Variants in CACNB4 observed in about 807,000 individuals in gnomAD.
CACNB4 encodes calcium voltage-gated channel auxiliary subunit beta 4.
In CACNB4, 32 loss-of-function variants were observed where a neutral mutation model predicts 71.2. That is an observed-to-expected ratio of 0.45 (90% CI 0.34 to 0.60). The LOEUF (loss-of-function observed/expected upper bound fraction) is 0.60, where lower values mean the gene tolerates loss of function less well. Ranked by LOEUF, CACNB4 falls within the 20% of genes least tolerant of loss-of-function variation. The pLI is 0.01. For synonymous variants in CACNB4, 231 were observed against 236.9 expected, an observed-to-expected ratio of 0.97 and a Z score of 0.23; for missense variants, 464 against 647.9, an observed-to-expected ratio of 0.72 and a Z score of 3.08.
At chr2:152,054,941 C>A (rs775683969) in intron 2 of CACNB4, among the ~76,000 whole-genome samples, 5 of 152,070 alleles carry the variant, frequency 3.3e-5, no homozygotes, top group Non-Finnish European at 7.4e-5. Context: ...TCTAAAAGTT[C>A]TTTATATATC....
chr2:152,034,961 G>T (rs1684478950), intron 2 of CACNB4, among the ~76,000 whole-genome samples: 1 of 152,180 alleles, frequency 6.6e-6, no homozygotes, highest in Non-Finnish European at 1.5e-5. Context: ...GAAGTCCGCG[G>T]CAAAAGTATT....
chr2:152,029,493 CA>C (rs4036226), intron 2 of CACNB4, among the ~76,000 whole-genome samples: 6,229 of 108,710 alleles, frequency 0.057, 692 homozygotes, highest in East Asian at 0.46. Context: ...GACTCGATCT[CA>C]AAAAAAAAAA....
intron 2 of CACNB4, among the ~76,000 whole-genome samples, chr2:152,063,808 G>A (rs1014775897): frequency 6.6e-6 from 1 of 152,150 alleles, no homozygotes; most frequent in African/African-American, 2.4e-5. Context: ...CATCAGCTCC[G>A]AATGTCTTCC....
chr2:151,987,495 A>C (rs1380838735), intron 2 of CACNB4, among the ~76,000 whole-genome samples: 1 of 152,198 alleles, frequency 6.6e-6, no homozygotes, highest in Non-Finnish European at 1.5e-5. Flanking sequence ...TGAGCATAAT[A>C]AATCGGGATG....
chr2:152,010,597 G>A (rs1406245638), intron 2 of CACNB4, among the ~76,000 whole-genome samples: 1 of 152,208 alleles, frequency 6.6e-6, no homozygotes, highest in African/African-American at 2.4e-5. Context: ...TTAAGTGGAG[G>A]AATTATTGTT....
At chr2:151,898,464 T>A (rs1429726922) in intron 2 of CACNB4, among the ~76,000 whole-genome samples, 1 of 152,146 alleles carries the variant, frequency 6.6e-6, no homozygotes. Context: ...CACAAACTTT[T>A]AGAATCCTAA....
At chr2:152,082,788 G>A (rs965620097) in intron 2 of CACNB4, among the ~76,000 whole-genome samples, 1 of 152,138 alleles carries the variant, frequency 6.6e-6, no homozygotes, top group Non-Finnish European at 1.5e-5. Flanking sequence ...AAAATAAATT[G>A]TTACAACAGA....
intron 2 of CACNB4, among the ~76,000 whole-genome samples, chr2:151,986,579 T>C (rs1270266822): frequency 6.6e-6 from 1 of 152,170 alleles, no homozygotes; most frequent in Non-Finnish European, 1.5e-5. Context: ...GGGTCACATT[T>C]AGCATACTCA....
At chr2:152,041,070 A>T (rs185267979) in intron 2 of CACNB4, among the ~76,000 whole-genome samples, 1 of 152,188 alleles carries the variant, frequency 6.6e-6, no homozygotes, top group African/African-American at 2.4e-5. Flanking sequence ...CCCACACTCC[A>T]TGGGAGAAAC....
intron 2 of CACNB4, among the ~76,000 whole-genome samples, chr2:152,002,549 G>A (rs569006159): frequency 3.5e-4 from 53 of 152,330 alleles, no homozygotes; most frequent in Admixed American, 3.5e-3. Context: ...GAATTCTTCT[G>A]AGATCAAATA....
intron 2 of CACNB4, among the ~76,000 whole-genome samples, chr2:151,934,450 C>T (rs772091988): frequency 2.6e-5 from 4 of 152,178 alleles, no homozygotes; most frequent in Admixed American, 6.6e-5. Flanking sequence ...AGCATTGTCT[C>T]GTTCATCTCA....
In CACNB4 at chr2:151,915,837, A is replaced by T. The variant is rs1457605552; in HGVS notation, c.148-32467T>A. Among the ~76,000 whole-genome samples, 5 of 125,026 alleles carry T rather than the reference A, an allele frequency of 4.0e-5. No homozygotes were observed. In the Admixed American group the frequency reaches 4.5e-4, roughly 11 times the overall value. The allele number at this position is 125,026 out of a possible 152,430, so 82.0% of individuals were successfully genotyped here. A position where few individuals can be genotyped will look rare whatever the true frequency, so the allele number is the denominator to read the frequency against. ...ACTCCAGCTTGGGCAACAAGAGCGAAGCTCCATCTCAAAAAAAAAAAAAAA... is the reference window on the plus strand; with the variant it reads ...ACTCCAGCTTGGGCAACAAGAGCGATGCTCCATCTCAAAAAAAAAAAAAAA... On this transcript the variant is annotated intron_variant, in intron 2 of 13. Coordinates refer to ENST00000539935, the MANE Select transcript of CACNB4 (RefSeq NM_000726.5).
intron 2 of CACNB4, among the ~76,000 whole-genome samples, chr2:152,008,407 C>T (rs899993454): frequency 2.0e-5 from 3 of 152,246 alleles, no homozygotes; most frequent in Middle Eastern, 3.4e-3. Flanking sequence ...TTGCCTCAGC[C>T]TCCCAAGTAG....
At position 151,971,907 on chromosome 2, in the gene CACNB4, G is replaced by A. The variant is rs890305212; in HGVS notation, c.148-88537C>T. On this transcript the variant is annotated intron_variant, in intron 2 of 13. Coordinates refer to ENST00000539935, the MANE Select transcript of CACNB4 (RefSeq NM_000726.5). The stretch of plus-strand genomic sequence containing the variant: ...TCACCTCCACAGATGTGCACAGCCC[G>A]GAGGATCTCAGCCTGCTGGCCACCA... 3.7e-5 allele frequency: 14 copies of A among 375,112 alleles called. 1 individual carries two copies. Among genetic ancestry groups the A allele is most frequent in the South Asian group, 1.0e-4 (4 of 40,022 alleles). The allele number at this position is 375,112 out of a possible 1,614,324, so 23.2% of individuals were successfully genotyped here.
intron 2 of CACNB4, among the ~76,000 whole-genome samples, chr2:152,005,623 G>A (rs769138585): frequency 2.0e-5 from 3 of 152,146 alleles, no homozygotes; most frequent in Non-Finnish European, 4.4e-5. Flanking sequence ...ACACAACCTC[G>A]TCCTTGGAAC....
chr2:151,996,321 T>A (rs1382012616), intron 2 of CACNB4, among the ~76,000 whole-genome samples: 1 of 152,088 alleles, frequency 6.6e-6, no homozygotes, highest in Non-Finnish European at 1.5e-5. Flanking sequence ...GTCAAGACCC[T>A]CATATACTGC....
chr2:152,078,663 CTT>C (rs1687172383), intron 2 of CACNB4, among the ~76,000 whole-genome samples: 1 of 152,182 alleles, frequency 6.6e-6, no homozygotes, highest in Admixed American at 6.5e-5. Context: ...GCTTATCCTC[CTT>C]TTCCCCTTTT....
At chr2:151,919,274 C>CGGAT (rs1352692592) in intron 2 of CACNB4, among the ~76,000 whole-genome samples, 1 of 152,114 alleles carries the variant, frequency 6.6e-6, no homozygotes, top group African/African-American at 2.4e-5. Context: ...CTCATTCATC[C>CGGAT]AGGCTGGAGT....
Position 151,837,933 on chromosome 2 carries a change from C to T in CACNB4, c.*1186G>A, listed in dbSNP as rs72868010. The T allele has an allele frequency of 6.6e-6, 1 of 152,206 alleles. No individual in the cohort carries two copies. The highest frequency in any genetic ancestry group is 2.4e-5 in the African/African-American group (1 of 41,560). The allele number at this position is 152,206 out of a possible 1,614,324, so 9.4% of individuals were successfully genotyped here. On this transcript the variant is annotated 3_prime_UTR_variant, in exon 14 of 14. Coordinates refer to ENST00000539935, the MANE Select transcript of CACNB4 (RefSeq NM_000726.5). ...TTTGTTTCAACTTTTTTCAATTAGT[C>T]ATTTTGTAAAAACATCTCCTGAATA...
Sources: gnomAD v4.1 joint callset for allele counts (sites outside exome capture counted in the v4.1 genomes callset) on GRCh38, gnomAD v4.1.1 for gene constraint, MANE v1.5 for transcripts, NCBI Gene and HGNC (gene_info 2026-07-23, HGNC 2026-07-21) for gene names.